NSL1: variants seen among roughly 807,000 people sequenced by gnomAD.
The protein encoded by NSL1 is NSL1 component of MIS12 kinetochore complex, also known as kinetochore-associated protein NSL1 homolog.
NSL1 carries 11 observed loss-of-function variants against 25.4 expected under a neutral mutation model. The observed-to-expected ratio is 0.43, with a 90% CI of 0.27 to 0.72. The LOEUF (loss-of-function observed/expected upper bound fraction) is 0.72. NSL1 is among the 30% of genes least tolerant of loss of function. NSL1 has a pLI of 0.19. For missense variants in NSL1, 330 were observed against 342.7 expected (o/e 0.96, Z 0.29); for synonymous variants, 118 against 120.6 (o/e 0.98, Z 0.14).
rs115402413 is a variant in NSL1, at chr1:212,780,885, T to C, written c.499+1487A>G. Reference sequence around the variant, plus strand: ...TTGGTTATACTACCACCTAGATAAGTAGGCAAGACATTCTGTAATATTTAG... The same window carrying C: ...TTGGTTATACTACCACCTAGATAAGCAGGCAAGACATTCTGTAATATTTAG... On this transcript the variant is annotated intron_variant, in intron 4 of 5. Transcript: ENST00000366977. Among the ~76,000 whole-genome samples the C allele has an allele frequency of 3.7e-3, 564 of 152,172 alleles. 5 individuals are homozygous for C. Among genetic ancestry groups the C allele is most frequent in the African/African-American group, 0.012 (493 of 41,522 alleles).
At chr1:212,745,160 CTATATATATATATATATATATATAT>C (rs1180720298) in intron 4 of NSL1, among the ~76,000 whole-genome samples, 4 of 117,688 alleles carry the variant, frequency 3.4e-5, no homozygotes, top group African/African-American at 8.1e-5. Context: ...AACAAACAAA[CTATATATATATATATATATATATAT>C]ATATATATAT....
Position 212,761,067 on chromosome 1 carries a change from T to C in NSL1, c.499+21305A>G, listed in dbSNP as rs372317817. 3.9e-5 allele frequency among the ~76,000 whole-genome samples: 6 copies of C among 152,304 alleles called. No individual in the cohort carries two copies. The East Asian group carries it at 1.2e-3, about 29-fold the overall frequency. On this transcript the variant is annotated intron_variant, in intron 4 of 5. Transcript: ENST00000366977. ...ATCAAAGCTAAAGCACCCTACCCAA[T>C]CAATATTATAGATACAACTACAGGC...
chr1:212,787,638 C>T lies in NSL1; in HGVS notation c.235-1G>A. 1 of 1,590,362 alleles carries T rather than the reference C, an allele frequency of 6.3e-7. No homozygotes were observed. Among genetic ancestry groups the T allele is most frequent in the East Asian group, 2.3e-5 (1 of 43,970 alleles). On this transcript the variant is annotated splice_acceptor_variant, in intron 1 of 5. Coordinates refer to ENST00000366977, the MANE Select transcript of NSL1 (RefSeq NM_015471.4). LOFTEE classifies it high-confidence loss of function. ...TCTCTTGCACAGCTGATTCAAAAGT[C>T]TGCAATAAATTCACAGTAGTCAAGT...
At chr1:212,790,316 C>T (rs1016559229) in intron 1 of NSL1, among the ~76,000 whole-genome samples, 21 of 152,142 alleles carry the variant, frequency 1.4e-4, no homozygotes, top group African/African-American at 4.3e-4. Flanking sequence ...CGTGAGCCAC[C>T]GCGCCCGACC....
At chr1:212,766,504 G>T (rs1187343341) in intron 4 of NSL1, among the ~76,000 whole-genome samples, 1 of 151,718 alleles carries the variant, frequency 6.6e-6, no homozygotes, top group Non-Finnish European at 1.5e-5. Flanking sequence ...AATTAGCCAG[G>T]CATGGTGGCA....
Position 212,728,929 on chromosome 1 carries a change from T to A in NSL1, c.*9479A>T. Reference sequence around the variant, plus strand: ...GCAAAGAGCAGTGTTTATTTGTGTGTTTGAACGTTTGTTCCCTTTGAATAT... The same window carrying A: ...GCAAAGAGCAGTGTTTATTTGTGTGATTGAACGTTTGTTCCCTTTGAATAT... On this transcript the variant is annotated 3_prime_UTR_variant, in exon 6 of 6. Transcript: ENST00000366977. 1 of 985,406 alleles carries A rather than the reference T, an allele frequency of 1.0e-6. No homozygotes were observed. The highest frequency in any genetic ancestry group is 1.2e-6 in the Non-Finnish European group (1 of 829,938). 61.0% of individuals were successfully genotyped at this position (985,406 alleles called of 1,614,324 possible). A position where few individuals can be genotyped will look rare whatever the true frequency, so the allele number is the denominator to read the frequency against.
chr1:212,778,891 G>A (rs542810997), intron 4 of NSL1, among the ~76,000 whole-genome samples: 2,261 of 150,428 alleles, frequency 0.015, 62 homozygotes, highest in African/African-American at 0.053. Context: ...CCCTCTGCCC[G>A]GCTGCCCAGT....
In NSL1 at chr1:212,729,210, T is replaced by C. The variant is rs1162859585; in HGVS notation, c.*9198A>G. 4.1e-6 allele frequency: 4 copies of C among 985,338 alleles called. No individual in the cohort carries two copies. The highest frequency in any genetic ancestry group is 6.1e-5 in the Admixed American group (1 of 16,262). The allele number at this position is 985,338 out of a possible 1,614,324, so 61.0% of individuals were successfully genotyped here. On this transcript the variant is annotated 3_prime_UTR_variant, in exon 6 of 6. Transcript: ENST00000366977. ...GTTTCCAAACCCATGAGTTTCACTCTCAGGTTCCCTCTAGGAGCAGAAGTG... is the reference window on the plus strand; with the variant it reads ...GTTTCCAAACCCATGAGTTTCACTCCCAGGTTCCCTCTAGGAGCAGAAGTG...
intron 4 of NSL1, among the ~76,000 whole-genome samples, chr1:212,752,578 G>A (rs1659114928): frequency 6.6e-6 from 1 of 152,080 alleles, no homozygotes; most frequent in African/African-American, 2.4e-5. Context: ...AAGGCAATAT[G>A]GAAGCAATTA....
chr1:212,782,515 G>A (rs1010946002), intron 3 of NSL1, 89 bp from the exon 4 acceptor site: 66 of 939,424 alleles, frequency 7.0e-5, no homozygotes, highest in Non-Finnish European at 1.1e-4. Context: ...ATACTATAGA[G>A]TCAGTACCAT....
At chr1:212,750,528 A>T (rs1465450363) in intron 4 of NSL1, among the ~76,000 whole-genome samples, 1 of 152,198 alleles carries the variant, frequency 6.6e-6, no homozygotes, top group Non-Finnish European at 1.5e-5. Context: ...GAAGGTTCCC[A>T]GAGAAGTATC....
Position 212,777,590 on chromosome 1 carries a change from C to T in NSL1, c.499+4782G>A, listed in dbSNP as rs199873683. ...ACAATTTATATAAAAACTTAAATCC[C>T]ATACATTGTTTATGGATATGTATCT... On this transcript the variant is annotated intron_variant, in intron 4 of 5. Coordinates refer to ENST00000366977, the MANE Select transcript of NSL1 (RefSeq NM_015471.4). Among the ~76,000 whole-genome samples, 8 of 152,214 alleles carry T rather than the reference C, an allele frequency of 5.3e-5. No individual in the cohort carries two copies. The East Asian group carries it at 1.5e-3, about 29-fold the overall frequency.
At chr1:212,790,972 G>A (rs1661210495) in intron 1 of NSL1, among the ~76,000 whole-genome samples, 1 of 151,800 alleles carries the variant, frequency 6.6e-6, no homozygotes, top group African/African-American at 2.4e-5. Context: ...CATGCAAAAG[G>A]AAAGATCAAA....
At chr1:212,770,252 G>A (rs996649248) in intron 4 of NSL1, among the ~76,000 whole-genome samples, 1 of 152,008 alleles carries the variant, frequency 6.6e-6, no homozygotes, top group Non-Finnish European at 1.5e-5. Flanking sequence ...GACTTCAACA[G>A]CCCACTCTCA....
At chr1:212,789,466 C>T (rs1167079972) in intron 1 of NSL1, among the ~76,000 whole-genome samples, 1 of 144,568 alleles carries the variant, frequency 6.9e-6, no homozygotes, top group African/African-American at 2.8e-5. Context: ...CCCGCCTCAG[C>T]CTCCCAAAGT....
At chr1:212,754,512 C>T (rs1659210015) in intron 4 of NSL1, among the ~76,000 whole-genome samples, 1 of 152,028 alleles carries the variant, frequency 6.6e-6, no homozygotes, top group African/African-American at 2.4e-5. Context: ...CGCGGTGGCT[C>T]ACACCTGTAA....
Position 212,732,592 on chromosome 1 carries a change from C to A in NSL1, c.*5816G>T, listed in dbSNP as rs1269273123. On this transcript the variant is annotated 3_prime_UTR_variant, in exon 6 of 6. Coordinates refer to ENST00000366977, the MANE Select transcript of NSL1 (RefSeq NM_015471.4). ...TACAGGTGTGAGCCACCGCACCCGG[C>A]CTACATAGTCTTATTCCAACCTGGT... is the stretch of plus-strand genomic sequence containing the variant. 4.1e-6 allele frequency: 4 copies of A among 984,886 alleles called. No homozygotes were observed. The highest frequency in any genetic ancestry group is 4.8e-6 in the Non-Finnish European group (4 of 829,454). The allele number at this position is 984,886 out of a possible 1,614,324, so 61.0% of individuals were successfully genotyped here.
At chr1:212,741,519 T>C (rs1415074191) in intron 4 of NSL1, among the ~76,000 whole-genome samples, 1 of 152,112 alleles carries the variant, frequency 6.6e-6, no homozygotes, top group African/African-American at 2.4e-5. Context: ...TGTTTGAAAG[T>C]GTGTGGCACC....
At chr1:212,791,477 T>C in intron 1 of NSL1, 53 bp downstream of exon 1, 6 of 1,491,640 alleles carry the variant, frequency 4.0e-6, no homozygotes, top group Non-Finnish European at 5.6e-6. Flanking sequence ...CCTAAGATCC[T>C]GGGTGTTGGG....
Sources: gnomAD v4.1 joint callset for allele counts (sites outside exome capture counted in the v4.1 genomes callset) on GRCh38, gnomAD v4.1.1 for gene constraint, MANE v1.5 for transcripts, NCBI Gene and HGNC (gene_info 2026-07-23, HGNC 2026-07-21) for gene names.